Variants in GABRG3 observed in about 807,000 individuals in gnomAD.
GABRG3 encodes the protein gamma-aminobutyric acid type A receptor subunit gamma3, also known as gamma-aminobutyric acid receptor subunit gamma-3.
In GABRG3, 25 loss-of-function variants were observed where a neutral mutation model predicts 48.8. That is an observed-to-expected ratio of 0.51 (90% CI 0.37 to 0.72). The LOEUF (loss-of-function observed/expected upper bound fraction) is 0.72, where lower values mean the gene tolerates loss of function less well. Ranked by LOEUF, GABRG3 falls within the 30% of genes least tolerant of loss-of-function variation. The pLI is 0.00. For synonymous variants in GABRG3, 227 were observed against 217.6 expected, an observed-to-expected ratio of 1.04 and a Z score of -0.38; for missense variants, 394 against 577.9, an observed-to-expected ratio of 0.68 and a Z score of 3.26.
chr15:27,358,200 C>T (rs988834005), intron 5 of GABRG3, among the ~76,000 whole-genome samples: 2 of 152,126 alleles, frequency 1.3e-5, no homozygotes, highest in African/African-American at 2.4e-5. Flanking sequence ...TGACAGACTC[C>T]ATTCATTTTC....
intron 5 of GABRG3, among the ~76,000 whole-genome samples, chr15:27,353,042 A>G (rs1894680554): frequency 6.6e-6 from 1 of 151,966 alleles, no homozygotes. Context: ...TTTTTATTAC[A>G]CAAAAACTCC....
At chr15:27,229,453 T>TA (rs1294339126) in intron 3 of GABRG3, among the ~76,000 whole-genome samples, 1 of 105,080 alleles carries the variant, frequency 9.5e-6, no homozygotes, top group Non-Finnish European at 1.8e-5. Context: ...CCTAGGTTTT[T>TA]TGTGTGTGTG....
chr15:27,275,357 G>A (rs74412043), intron 3 of GABRG3, among the ~76,000 whole-genome samples: 30 of 152,236 alleles, frequency 2.0e-4, no homozygotes, highest in African/African-American at 7.2e-4. Context: ...ATCCCATTCT[G>A]GCAGGGGGTA....
At chr15:27,170,528 CAA>C (rs1369991827) in intron 3 of GABRG3, among the ~76,000 whole-genome samples, 1 of 151,944 alleles carries the variant, frequency 6.6e-6, no homozygotes, top group Admixed American at 6.6e-5. Flanking sequence ...CAAAAGAAAA[CAA>C]GAGAAGAAGA....
At chr15:27,017,605 T>A (rs1359517843) in intron 2 of GABRG3, among the ~76,000 whole-genome samples, 3 of 152,226 alleles carry the variant, frequency 2.0e-5, no homozygotes, top group African/African-American at 7.2e-5. Context: ...ACTCTTTTCT[T>A]TCTTTCCTCA....
At chr15:27,312,567 A>T (rs1026602152) in intron 3 of GABRG3, among the ~76,000 whole-genome samples, 1 of 152,152 alleles carries the variant, frequency 6.6e-6, no homozygotes, top group South Asian at 2.1e-4. Flanking sequence ...ACACACAAGG[A>T]CACCCCCATA....
intron 5 of GABRG3, among the ~76,000 whole-genome samples, chr15:27,444,317 AT>A (rs1888878190): frequency 6.6e-6 from 1 of 152,090 alleles, no homozygotes. Flanking sequence ...TCTACATGTG[AT>A]TTTGTCCATT....
intron 2 of GABRG3, among the ~76,000 whole-genome samples, chr15:26,980,540 G>T (rs556307888): frequency 3.3e-5 from 5 of 151,900 alleles, no homozygotes; most frequent in African/African-American, 1.2e-4. Flanking sequence ...TTAGCCAGGC[G>T]TGGTGGCGGG....
intron 5 of GABRG3, among the ~76,000 whole-genome samples, chr15:27,412,262 T>A (rs895131701): frequency 1.3e-5 from 2 of 152,100 alleles, no homozygotes; most frequent in Non-Finnish European, 2.9e-5. Flanking sequence ...TACCAAAACA[T>A]GGACACTGAT....
intron 5 of GABRG3, among the ~76,000 whole-genome samples, chr15:27,392,045 C>A (rs1455318640): frequency 6.6e-6 from 1 of 152,136 alleles, no homozygotes; most frequent in Non-Finnish European, 1.5e-5. Context: ...TAAAAATGAT[C>A]TTTGTATTTT....
chr15:27,306,636 A>ATG (rs1161172062), intron 3 of GABRG3, among the ~76,000 whole-genome samples: 1 of 88,456 alleles, frequency 1.1e-5, no homozygotes, highest in African/African-American at 5.3e-5. Context: ...ATAAACATAT[A>ATG]TTTATATATA....
chr15:27,527,320 C>A, intron 7 of GABRG3, 113 bp from the exon 8 acceptor site: 1 of 795,950 alleles, frequency 1.3e-6, no homozygotes. Context: ...AGGTATGCAG[C>A]ATCAGGGATT....
intron 6 of GABRG3, among the ~76,000 whole-genome samples, chr15:27,501,401 C>T (rs1595796006): frequency 6.6e-6 from 1 of 152,164 alleles, no homozygotes; most frequent in Non-Finnish European, 1.5e-5. Flanking sequence ...ATATTCCCTG[C>T]AGATAGTTAT....
chr15:27,382,969 A>G (rs1448400807), intron 5 of GABRG3, among the ~76,000 whole-genome samples: 2 of 152,188 alleles, frequency 1.3e-5, no homozygotes, highest in Non-Finnish European at 2.9e-5. Context: ...CAGAGGTCCA[A>G]ATATAAATTT....
chr15:27,276,618 G>A (rs1891262630), intron 3 of GABRG3, among the ~76,000 whole-genome samples: 3 of 152,088 alleles, frequency 2.0e-5, no homozygotes, highest in Non-Finnish European at 2.9e-5. Context: ...AGTTGGGAAT[G>A]GGAATGATTA....
intron 3 of GABRG3, among the ~76,000 whole-genome samples, chr15:27,212,205 G>C (rs1043344034): frequency 6.6e-6 from 1 of 152,204 alleles, no homozygotes; most frequent in Non-Finnish European, 1.5e-5. Flanking sequence ...AAGTGATTAC[G>C]GAAGCAGTAG....
At chr15:26,987,164 G>A (rs571555322) in intron 2 of GABRG3, among the ~76,000 whole-genome samples, 1 of 152,228 alleles carries the variant, frequency 6.6e-6, no homozygotes, top group East Asian at 1.9e-4. Flanking sequence ...AGGCTGAGGC[G>A]GGAGAATGGC....
In GABRG3 at chr15:27,303,533, T is replaced by A. The variant is rs748640993; in HGVS notation, c.271-23276T>A. Among the ~76,000 whole-genome samples, 209 of 151,750 alleles carry A rather than the reference T, an allele frequency of 1.4e-3. 2 individuals are homozygous for A. Among genetic ancestry groups the A allele is most frequent in the Non-Finnish European group, 4.1e-4 (28 of 67,826 alleles). On this transcript the variant is annotated intron_variant, in intron 3 of 9. Transcript: ENST00000615808. ...CCTAAATATGGTTTCACTGGTTAAT[T>A]GAATAAAATATTTAAAGAAATTAGA...
chr15:27,068,624 G>A (rs551825339), intron 3 of GABRG3, among the ~76,000 whole-genome samples: 1 of 152,290 alleles, frequency 6.6e-6, no homozygotes, highest in East Asian at 1.9e-4. Context: ...GTCAATGAAG[G>A]GTGAATTCAG....
Sources: allele counts gnomAD v4.1 joint callset (sites outside exome capture counted in the v4.1 genomes callset), GRCh38; gene constraint gnomAD v4.1.1; transcripts MANE v1.5; gene names NCBI Gene and HGNC (gene_info 2026-07-23, HGNC 2026-07-21).